UNC79: variants seen among roughly 807,000 people sequenced by gnomAD.
UNC79 encodes unc-79 subunit of NALCN channel complex.
Under a neutral mutation model 283.1 loss-of-function variants are expected in UNC79, and 37 were observed. That is an observed-to-expected ratio of 0.13 (90% CI 0.10 to 0.17). The LOEUF is 0.17. UNC79 is among the 10% of genes least tolerant of loss of function. The pLI is 1.00. For missense variants in UNC79, 2,272 were observed against 3,211.1 expected (o/e 0.71, Z 7.07); for synonymous variants, 1,107 against 1,200.2 (o/e 0.92, Z 1.61).
At chr14:93,346,947 G>T (rs1167479327) in intron 1 of UNC79, among the ~76,000 whole-genome samples, 1 of 151,484 alleles carries the variant, frequency 6.6e-6, no homozygotes, top group Non-Finnish European at 1.5e-5. Flanking sequence ...AGGGGGTACT[G>T]AACTGAAGAG....
intron 1 of UNC79, among the ~76,000 whole-genome samples, chr14:93,388,502 G>T (rs1047005222): frequency 6.6e-6 from 1 of 152,144 alleles, no homozygotes; most frequent in African/African-American, 2.4e-5. Flanking sequence ...CAAGATTTCT[G>T]CTAAATTGTA....
chr14:93,680,000 T>C (rs993173206), intron 41 of UNC79, among the ~76,000 whole-genome samples: 2 of 152,240 alleles, frequency 1.3e-5, no homozygotes, highest in African/African-American at 4.8e-5. Flanking sequence ...GTGCATCTGA[T>C]GTAAAAATAT....
At chr14:93,350,719 A>T (rs917599651) in intron 1 of UNC79, among the ~76,000 whole-genome samples, 8 of 152,138 alleles carry the variant, frequency 5.3e-5, no homozygotes, top group Non-Finnish European at 1.2e-4. Flanking sequence ...TTAGATTCGT[A>T]TCTCAGAGGT....
chr14:93,697,037 G>A (rs762580821), intron 47 of UNC79, among the ~76,000 whole-genome samples: 8 of 152,046 alleles, frequency 5.3e-5, no homozygotes, highest in South Asian at 2.1e-4. Context: ...TACTTTCTCC[G>A]TCAAATTGCC....
At chr14:93,620,728 G>T (rs1213633380) in intron 29 of UNC79, among the ~76,000 whole-genome samples, 164 bp from the exon 31 acceptor site, 1 of 152,216 alleles carries the variant, frequency 6.6e-6, no homozygotes, top group Non-Finnish European at 1.5e-5. Context: ...AATAGATGGA[G>T]AATTTGATGC....
intron 29 of UNC79, among the ~76,000 whole-genome samples, chr14:93,618,958 C>T (rs977845033): frequency 8.5e-5 from 13 of 152,086 alleles, no homozygotes; most frequent in African/African-American, 2.2e-4. Context: ...AGGTGAGACA[C>T]GAAGAACCAG....
intron 1 of UNC79, among the ~76,000 whole-genome samples, chr14:93,454,907 T>C (rs1461249785): frequency 6.6e-6 from 1 of 152,192 alleles, no homozygotes; most frequent in African/African-American, 2.4e-5. Context: ...TGGAATACTT[T>C]GAAAAATGTA....
chr14:93,406,838 A>G (rs976634346), intron 1 of UNC79, among the ~76,000 whole-genome samples: 2 of 152,194 alleles, frequency 1.3e-5, no homozygotes. Context: ...TTAGTTTCCT[A>G]GGCGGCTATA....
At chr14:93,383,105 G>A (rs989475393) in intron 1 of UNC79, among the ~76,000 whole-genome samples, 1 of 152,172 alleles carries the variant, frequency 6.6e-6, no homozygotes, top group Non-Finnish European at 1.5e-5. Flanking sequence ...ATTTGAACTG[G>A]TCTTGAAAGA....
intron 30 of UNC79, among the ~76,000 whole-genome samples, chr14:93,628,199 G>A (rs2140033564): frequency 6.6e-6 from 1 of 152,236 alleles, no homozygotes; most frequent in South Asian, 2.1e-4. Context: ...TTCCTGCAAA[G>A]CCCTATGTGG....
In UNC79 at chr14:93,358,132, C is replaced by T. The variant is rs183545501; in HGVS notation, c.-351+24609C>T. On this transcript the variant is annotated intron_variant, in intron 1 of 49. Coordinates refer to the UNC79 transcript ENST00000256339. ...GAGTTGGTTGCTTAATATGATTAGA[C>T]CCCATAATGGTAAGGATGCTACTTC... 3.7e-3 allele frequency among the ~76,000 whole-genome samples: 557 copies of T among 151,778 alleles called. 2 individuals carry two copies. The highest frequency in any genetic ancestry group is 0.013 in the African/African-American group (532 of 41,360).
rs918167469 is a variant in UNC79, at chr14:93,669,346, A to G, written c.6637-4005A>G. Among the ~76,000 whole-genome samples, 3 of 152,172 alleles carry G rather than the reference A, an allele frequency of 2.0e-5. No individual in the cohort carries two copies. In the South Asian group the frequency reaches 6.2e-4, roughly 32 times the overall value. Reference sequence around the variant, plus strand: ...GATCAGGAAGAGCCCAGATATTCAGAGGTGTTAGCCCAGCACTGATGGCCA... The same window carrying G: ...GATCAGGAAGAGCCCAGATATTCAGGGGTGTTAGCCCAGCACTGATGGCCA... On this transcript the variant is annotated intron_variant, in intron 40 of 48. Coordinates refer to ENST00000555664, the Ensembl canonical transcript of UNC79.
At chr14:93,683,981 A>G (rs1232496577) in intron 42 of UNC79, among the ~76,000 whole-genome samples, 2 of 152,142 alleles carry the variant, frequency 1.3e-5, no homozygotes, top group African/African-American at 2.4e-5. Flanking sequence ...TGCCATGAAC[A>G]TATCCATCAT....
At chr14:93,565,078 C>G (rs1269180123) in intron 14 of UNC79, among the ~76,000 whole-genome samples, 1 of 152,186 alleles carries the variant, frequency 6.6e-6, no homozygotes, top group Non-Finnish European at 1.5e-5. Context: ...GTCAGTCTTG[C>G]AAGATCAGGT....
chr14:93,449,416 C>T (rs982728136), intron 1 of UNC79, among the ~76,000 whole-genome samples: 12 of 152,102 alleles, frequency 7.9e-5, no homozygotes, highest in African/African-American at 2.9e-4. Flanking sequence ...AATGAAGTCA[C>T]AGAAGCTCTT....
At chr14:93,396,767 A>ATGTGTGTG (rs1413500764) in intron 1 of UNC79, among the ~76,000 whole-genome samples, 91 of 76,508 alleles carry the variant, frequency 1.2e-3, no homozygotes, top group Admixed American at 3.1e-3. Flanking sequence ...TGCAAAGGGC[A>ATGTGTGTG]TGTGTGTGTA....
chr14:93,569,351 T>A (rs1467465648), intron 14 of UNC79, among the ~76,000 whole-genome samples: 2 of 152,006 alleles, frequency 1.3e-5, no homozygotes, highest in African/African-American at 4.8e-5. Context: ...GCAGGATAAC[T>A]GCTTGAACTG....
At chr14:93,491,630 C>A (rs2058729979) in intron 5 of UNC79, among the ~76,000 whole-genome samples, 1 of 152,160 alleles carries the variant, frequency 6.6e-6, no homozygotes, top group Non-Finnish European at 1.5e-5. Flanking sequence ...CTTTAAAATG[C>A]TGCTGTGAAG....
chr14:93,669,560 T>C (rs973366935), intron 40 of UNC79, among the ~76,000 whole-genome samples: 6 of 152,180 alleles, frequency 3.9e-5, no homozygotes, highest in African/African-American at 1.4e-4. Context: ...ATAGTAACTT[T>C]CCTTCATGTG....
Sources: allele counts gnomAD v4.1 joint callset (sites outside exome capture counted in the v4.1 genomes callset), GRCh38; gene constraint gnomAD v4.1.1; transcripts MANE v1.5; gene names NCBI Gene and HGNC (gene_info 2026-07-23, HGNC 2026-07-21).